ST8SIA3: variants seen among roughly 807,000 people sequenced by gnomAD.
ST8SIA3 encodes alpha-N-acetylneuraminate alpha-2,8-sialyltransferase ST8SIA3.
A neutral mutation model predicts 34.5 loss-of-function variants in ST8SIA3; 17 were observed. The ratio of observed to expected loss-of-function variants is 0.49; its 90% CI spans 0.34 to 0.74. The LOEUF (loss-of-function observed/expected upper bound fraction) is 0.74. Ranked by LOEUF, ST8SIA3 falls within the 30% of genes least tolerant of loss-of-function variation. ST8SIA3 has a pLI of 0.01. For missense variants in ST8SIA3, 354 were observed against 467.8 expected, an observed-to-expected ratio of 0.76 and a Z score of 2.24; for synonymous variants, 172 against 176.1, an observed-to-expected ratio of 0.98 and a Z score of 0.19.
At chr18:57,353,430 G>C (rs2049777429) in intron 1 of ST8SIA3, among the ~76,000 whole-genome samples, 1 of 152,042 alleles carries the variant, frequency 6.6e-6, no homozygotes, top group Non-Finnish European at 1.5e-5. Context: ...TCCGCGGGCC[G>C]GGCCCGGGGC....
Position 57,361,333 on chromosome 18 carries a change from A to T in ST8SIA3, c.*1056A>T, listed in dbSNP as rs1240351386. On this transcript the variant is annotated 3_prime_UTR_variant, in exon 4 of 4. Coordinates refer to ENST00000324000, the MANE Select transcript of ST8SIA3 (RefSeq NM_015879.3). The stretch of plus-strand genomic sequence containing the variant: ...TACCCTAAAGTGTGGTAACCATGTT[A>T]CCCATTCCAGCTGGGTTAAAGTGGA... The T allele has an allele frequency of 6.6e-6, 1 of 152,294 alleles. No individual in the cohort carries two copies. Among genetic ancestry groups the T allele is most frequent in the East Asian group, 1.9e-4 (1 of 5,194 alleles). The allele number at this position is 152,294 out of a possible 1,614,324, so 9.4% of individuals were successfully genotyped here. A position where few individuals can be genotyped will look rare whatever the true frequency, so the allele number is the denominator to read the frequency against.
rs2049800729 is a variant in ST8SIA3, at chr18:57,356,906, A to G, written c.303-7A>G. On this transcript the variant is annotated splice_polypyrimidine_tract_variant and splice_region_variant and intron_variant, in intron 2 of 3. Coordinates refer to ENST00000324000, the MANE Select transcript of ST8SIA3 (RefSeq NM_015879.3). Reference sequence around the variant, plus strand: ...GAATGCTTTTCATGAATTTCTTTTTATTTTAGGCAAGAAATTCTTCAGCAT... The same window carrying G: ...GAATGCTTTTCATGAATTTCTTTTTGTTTTAGGCAAGAAATTCTTCAGCAT... 6.4e-7 allele frequency: 1 copy of G among 1,555,844 alleles called. No individual in the cohort carries two copies. The highest frequency in any genetic ancestry group is 8.8e-7 in the Non-Finnish European group (1 of 1,142,096).
rs907718407 is a variant in ST8SIA3, at chr18:57,367,255, A to G, written c.*6978A>G. 37 of 152,186 alleles carry G rather than the reference A, an allele frequency of 2.4e-4. No individual in the cohort carries two copies. The highest frequency in any genetic ancestry group is 8.9e-4 in the African/African-American group (37 of 41,450). 9.4% of individuals were successfully genotyped at this position (152,186 alleles called of 1,614,324 possible). A position where few individuals can be genotyped will look rare whatever the true frequency, so the allele number is the denominator to read the frequency against. On this transcript the variant is annotated 3_prime_UTR_variant, in exon 4 of 4. Transcript: ENST00000324000. ...TAAATGCTTGAAACGCAAGTTGGACATTTTCTATACTATGTGTAAAATGCC... is the reference window on the plus strand; with the variant it reads ...TAAATGCTTGAAACGCAAGTTGGACGTTTTCTATACTATGTGTAAAATGCC...
In ST8SIA3 at chr18:57,365,076, A is replaced by G. The variant is rs1024986570; in HGVS notation, c.*4799A>G. 7 of 152,310 alleles carry G rather than the reference A, an allele frequency of 4.6e-5. No homozygotes were observed. The highest frequency in any genetic ancestry group is 1.9e-4 in the East Asian group (1 of 5,186). The allele number at this position is 152,310 out of a possible 1,614,324, so 9.4% of individuals were successfully genotyped here. ...CTGATCTCCCAGCAAACACAGCTGTATGAAATAAGCAACTCTTCAAAATAC... is the reference window on the plus strand; with the variant it reads ...CTGATCTCCCAGCAAACACAGCTGTGTGAAATAAGCAACTCTTCAAAATAC... On this transcript the variant is annotated 3_prime_UTR_variant, in exon 4 of 4. Coordinates refer to ENST00000324000, the MANE Select transcript of ST8SIA3 (RefSeq NM_015879.3).
In ST8SIA3 at chr18:57,357,611, A is replaced by G. The variant is rs555517594; in HGVS notation, c.860+141A>G. On this transcript the variant is annotated intron_variant, in intron 3 of 3. Coordinates refer to ENST00000324000, the MANE Select transcript of ST8SIA3 (RefSeq NM_015879.3). ...ATTAGAAGAAACTCATATGTTTTGTAATGAGCGAATGAATGAATCATTCTA... is the reference window on the plus strand; with the variant it reads ...ATTAGAAGAAACTCATATGTTTTGTGATGAGCGAATGAATGAATCATTCTA... 4.4e-6 allele frequency: 3 copies of G among 678,768 alleles called. No individual in the cohort carries two copies. The South Asian group carries it at 5.8e-5, about 13-fold the overall frequency. The allele number at this position is 678,768 out of a possible 1,614,324, so 42.0% of individuals were successfully genotyped here.
rs1158808219 is a variant in ST8SIA3 at position 57,366,349 on chromosome 18, A to G, written c.*6072A>G. On this transcript the variant is annotated 3_prime_UTR_variant, in exon 4 of 4. Transcript: ENST00000324000. ...GGAACCTCTCAACAGACTCCCCAGT[A>G]TCTTGGGAGATTACCAACTGTGGCT... The G allele has an allele frequency of 6.6e-6, 1 of 152,636 alleles. No homozygotes were observed. Among genetic ancestry groups the G allele is most frequent in the African/African-American group, 2.4e-5 (1 of 41,464 alleles). 9.5% of individuals were successfully genotyped at this position (152,636 alleles called of 1,614,324 possible).
chr18:57,352,715 G>T lies in ST8SIA3; in HGVS notation c.-132G>T. 1.5e-5 allele frequency: 2 copies of T among 131,894 alleles called. No homozygotes were observed. Among genetic ancestry groups the T allele is most frequent in the Non-Finnish European group, 1.5e-5 (1 of 66,698 alleles). 8.2% of individuals were successfully genotyped at this position (131,894 alleles called of 1,614,324 possible). On this transcript the variant is annotated 5_prime_UTR_variant, in exon 1 of 4. Transcript: ENST00000324000. ...ACCCCCGCCCGGGTCCCCCTCCTCC[G>T]CCACACGCGCGCGCGCTCACACACA...
rs1179610554 is a variant in ST8SIA3, at chr18:57,368,134, A to G, written c.*7857A>G. 6.6e-6 allele frequency: 1 copy of G among 152,216 alleles called. No homozygotes were observed. Among genetic ancestry groups the G allele is most frequent in the Non-Finnish European group, 1.5e-5 (1 of 68,042 alleles). 9.4% of individuals were successfully genotyped at this position (152,216 alleles called of 1,614,324 possible). A position where few individuals can be genotyped will look rare whatever the true frequency, so the allele number is the denominator to read the frequency against. ...GAATTAGAGTCTGGGTCTCCCAACC[A>G]CTGATTCTGCTACACCACACTGTGC... On this transcript the variant is annotated 3_prime_UTR_variant, in exon 4 of 4. Coordinates refer to ENST00000324000, the MANE Select transcript of ST8SIA3 (RefSeq NM_015879.3).
rs925180409 is a variant in ST8SIA3 at position 57,360,413 on chromosome 18, T to C, written c.*136T>C. On this transcript the variant is annotated 3_prime_UTR_variant, in exon 4 of 4. Transcript: ENST00000324000. ...TAAAAGGAAAGATGTCTTTTCTCTT[T>C]TGCACTGCTCTTTTAAGAGTTTTAG... The C allele has an allele frequency of 3.1e-5, 27 of 884,172 alleles. No individual in the cohort carries two copies. The African/African-American group carries it at 4.4e-4, about 15-fold the overall frequency. 54.8% of individuals were successfully genotyped at this position (884,172 alleles called of 1,614,324 possible). A position where few individuals can be genotyped will look rare whatever the true frequency, so the allele number is the denominator to read the frequency against.
At chr18:57,354,950 G>A (rs1039203498) in intron 2 of ST8SIA3, among the ~76,000 whole-genome samples, 1 of 151,776 alleles carries the variant, frequency 6.6e-6, no homozygotes, top group Admixed American at 6.6e-5. Flanking sequence ...ATAGAATAAA[G>A]TGGTATTGTT....
At position 57,360,457 on chromosome 18, in the gene ST8SIA3, T is replaced by TTTA; in HGVS notation, c.*180_*181insTTA. On this transcript the variant is annotated 3_prime_UTR_variant, in exon 4 of 4. Transcript: ENST00000324000. ...GTTTTAGCAGATTTAGCAGGACAGA[T>TTTA]GCATTGAAGCCACATGGTTTAGACT... 4 of 637,712 alleles carry TTTA rather than the reference T, an allele frequency of 6.3e-6. No homozygotes were observed. The highest frequency in any genetic ancestry group is 8.0e-6 in the Non-Finnish European group (3 of 375,408). The allele number at this position is 637,712 out of a possible 1,614,324, so 39.5% of individuals were successfully genotyped here. A position where few individuals can be genotyped will look rare whatever the true frequency, so the allele number is the denominator to read the frequency against.
intron 3 of ST8SIA3, among the ~76,000 whole-genome samples, chr18:57,359,621 G>A (rs917533247): frequency 2.0e-5 from 3 of 152,070 alleles, no homozygotes; most frequent in Non-Finnish European, 4.4e-5. Flanking sequence ...TCACCGCTGG[G>A]TCAGAGCCAC....
rs1236465442 is a variant in ST8SIA3 at position 57,363,233 on chromosome 18, C to A, written c.*2956C>A. On this transcript the variant is annotated 3_prime_UTR_variant, in exon 4 of 4. Coordinates refer to ENST00000324000, the MANE Select transcript of ST8SIA3 (RefSeq NM_015879.3). ...GAAATAATCACAAACTTTTGGCAACCTGCTTAATGCTAGACGCTCTGTTTT... is the reference window on the plus strand; with the variant it reads ...GAAATAATCACAAACTTTTGGCAACATGCTTAATGCTAGACGCTCTGTTTT... 1 of 152,150 alleles carries A rather than the reference C, an allele frequency of 6.6e-6. No individual in the cohort carries two copies. The highest frequency in any genetic ancestry group is 2.4e-5 in the African/African-American group (1 of 41,418). The allele number at this position is 152,150 out of a possible 1,614,324, so 9.4% of individuals were successfully genotyped here.
Position 57,357,373 on chromosome 18 carries a change from A to C in ST8SIA3, c.763A>C (p.Thr255Pro), listed in dbSNP as rs2049805089. Residue 255 changes from threonine (T) to proline (P), a missense_variant, in exon 3 of 4, where the codon ACT becomes CCT. Around this residue, in one of 3 missense-constraint regions of ST8SIA3, gnomAD observed 166 missense variants for 245.2 expected, o/e 0.68. Coordinates refer to ENST00000324000, the MANE Select transcript of ST8SIA3 (RefSeq NM_015879.3). ...IPAFFFHTSA[T>P]VTRTLVDFFV... ...TGCATTTTTCTTCCACACTTCAGCA[A>C]CTGTGACCAGGACATTAGTTGACTT... is the stretch of plus-strand genomic sequence containing the variant. The C allele has an allele frequency of 1.9e-6, 3 of 1,613,124 alleles. No homozygotes were observed. The African/African-American group carries it at 4.0e-5, about 22-fold the overall frequency.
In ST8SIA3 at chr18:57,360,725, C is replaced by G. The variant is rs2049825535; in HGVS notation, c.*448C>G. The G allele has an allele frequency of 6.2e-6, 1 of 160,164 alleles. No individual in the cohort carries two copies. The highest frequency in any genetic ancestry group is 1.4e-5 in the Non-Finnish European group (1 of 72,778). The allele number at this position is 160,164 out of a possible 1,614,324, so 9.9% of individuals were successfully genotyped here. A position where few individuals can be genotyped will look rare whatever the true frequency, so the allele number is the denominator to read the frequency against. On this transcript the variant is annotated 3_prime_UTR_variant, in exon 4 of 4. Coordinates refer to ENST00000324000, the MANE Select transcript of ST8SIA3 (RefSeq NM_015879.3). ...AAACGTAAAAAACTGGTTTGCATAT[C>G]TCATCTTCTATCTATCTCCCTATCT...
intron 2 of ST8SIA3, among the ~76,000 whole-genome samples, chr18:57,356,293 C>G (rs1420073384): frequency 6.6e-6 from 1 of 152,084 alleles, no homozygotes; most frequent in Non-Finnish European, 1.5e-5. Context: ...TCTATATAAT[C>G]AAGTAGAAAA....
In ST8SIA3 at chr18:57,367,439, C is replaced by T. The variant is rs528258139; in HGVS notation, c.*7162C>T. 3.6e-4 allele frequency: 55 copies of T among 152,782 alleles called. No homozygotes were observed. Among genetic ancestry groups the T allele is most frequent in the African/African-American group, 1.3e-3 (53 of 41,576 alleles). The allele number at this position is 152,782 out of a possible 1,614,324, so 9.5% of individuals were successfully genotyped here. A position where few individuals can be genotyped will look rare whatever the true frequency, so the allele number is the denominator to read the frequency against. On this transcript the variant is annotated 3_prime_UTR_variant, in exon 4 of 4. Transcript: ENST00000324000. ...CAGCCTGAGCACAAGTATGCCTTCA[C>T]CCTCTGGCTCTTTTCCTGACACCAA...
In ST8SIA3 at chr18:57,364,147, G is replaced by A. The variant is rs1342057318; in HGVS notation, c.*3870G>A. The A allele has an allele frequency of 6.6e-6, 1 of 152,094 alleles. No homozygotes were observed. Among genetic ancestry groups the A allele is most frequent in the African/African-American group, 2.4e-5 (1 of 41,408 alleles). The allele number at this position is 152,094 out of a possible 1,614,324, so 9.4% of individuals were successfully genotyped here. A position where few individuals can be genotyped will look rare whatever the true frequency, so the allele number is the denominator to read the frequency against. On this transcript the variant is annotated 3_prime_UTR_variant, in exon 4 of 4. Coordinates refer to ENST00000324000, the MANE Select transcript of ST8SIA3 (RefSeq NM_015879.3). ...TTCTCCCTGAGATGAAACAAAACAC[G>A]CTTGGTAAATCATGATTTGATAAAT...
chr18:57,360,145 T>G lies in ST8SIA3; in HGVS notation c.1011T>G (p.His337Gln). The G allele has an allele frequency of 6.2e-7, 1 of 1,614,140 alleles. No individual in the cohort carries two copies. Among genetic ancestry groups the G allele is most frequent in the Non-Finnish European group, 8.5e-7 (1 of 1,180,012 alleles). ...ACACAAGGGAAGATCTTCCATACCA[T>G]TACTATGACAAAAAAGGAACCAAAT... ...DPNTREDLPY[H>Q]YYDKKGTKFT... is the part of the protein sequence containing the mutation. The change falls in exon 4 of 4, where the codon CAT (histidine) becomes CAG (glutamine). Residue 337 changes from histidine (H) to glutamine (Q), a missense_variant. This residue lies in a region of ST8SIA3 where 166 missense variants were observed against 245.2 expected (regional missense o/e 0.68). Transcript: ENST00000324000.
Sources: allele counts gnomAD v4.1 joint callset (sites outside exome capture counted in the v4.1 genomes callset), GRCh38; gene constraint gnomAD v4.1.1; regional missense constraint gnomAD v4.1.1; transcripts MANE v1.5; gene names NCBI Gene and HGNC (gene_info 2026-07-23, HGNC 2026-07-21).